Variants in PDE1C observed in about 807,000 individuals in gnomAD.
The protein encoded by PDE1C is dual specificity calcium/calmodulin-dependent 3',5'-cyclic nucleotide phosphodiesterase 1C.
Under a neutral mutation model 93.1 loss-of-function variants are expected in PDE1C, and 62 were observed. The observed-to-expected ratio is 0.67, with a 90% confidence interval of 0.54 to 0.82. The LOEUF (loss-of-function observed/expected upper bound fraction) is 0.82. Among genes scored for constraint, PDE1C ranks in the 40% least tolerant of loss-of-function variants. The pLI, the probability that PDE1C is intolerant of heterozygous loss-of-function variation, is 0.00. For missense variants in PDE1C, 742 were observed against 884.6 expected (o/e 0.84, Z 2.04); for synonymous variants, 325 against 310.1 (o/e 1.05, Z -0.50).
At chr7:32,416,921 G>A (rs1785286573) in intron 1 of PDE1C, among the ~76,000 whole-genome samples, 1 of 152,172 alleles carries the variant, frequency 6.6e-6, no homozygotes, top group South Asian at 2.1e-4. Context: ...GAGAGATCGA[G>A]GGGCAACTCG....
chr7:32,369,676 C>T (rs1784288912), intron 1 of PDE1C, among the ~76,000 whole-genome samples: 1 of 152,192 alleles, frequency 6.6e-6, no homozygotes, highest in African/African-American at 2.4e-5. Flanking sequence ...ATCAAAGAGA[C>T]TTCTGTGCCC....
chr7:32,262,779 A>C (rs1810304764), intron 1 of PDE1C, among the ~76,000 whole-genome samples: 1 of 152,176 alleles, frequency 6.6e-6, no homozygotes, highest in Non-Finnish European at 1.5e-5. Flanking sequence ...ACTTTTGGGG[A>C]TAGTATTTTG....
At chr7:32,402,560 T>C (rs893701743) in intron 1 of PDE1C, among the ~76,000 whole-genome samples, 1 of 152,110 alleles carries the variant, frequency 6.6e-6, no homozygotes, top group Non-Finnish European at 1.5e-5. Flanking sequence ...CCCACATTGG[T>C]GAGGGTGATC....
chr7:32,217,907 C>T (rs1024208220), intron 1 of PDE1C, among the ~76,000 whole-genome samples: 30 of 152,350 alleles, frequency 2.0e-4, no homozygotes, highest in African/African-American at 7.2e-4. Context: ...CCATGCCTTT[C>T]ACAAGGCTGT....
intron 2 of PDE1C, 86 bp from the exon 3 acceptor site, chr7:31,880,946 C>A (rs151191897): frequency 3.6e-6 from 3 of 836,210 alleles, no homozygotes; most frequent in South Asian, 2.9e-5. Context: ...TTACAGTCAT[C>A]GAATATTCTC....
intron 2 of PDE1C, among the ~76,000 whole-genome samples, chr7:31,947,960 A>T (rs1806836782): frequency 6.6e-6 from 1 of 152,222 alleles, no homozygotes; most frequent in Non-Finnish European, 1.5e-5. Flanking sequence ...GTAAAATCTG[A>T]CAGATGGCAA....
intron 3 of PDE1C, among the ~76,000 whole-genome samples, chr7:32,126,200 T>TGTAG (rs1563334248): frequency 9.9e-6 from 1 of 101,424 alleles, no homozygotes; most frequent in East Asian, 2.9e-4. Context: ...AATCCACTAT[T>TGTAG]CTAGATAGAT....
chr7:31,679,378 A>T, the PDE1C span, among the ~76,000 whole-genome samples: 1 of 152,230 alleles, frequency 6.6e-6, no homozygotes, highest in African/African-American at 2.4e-5. Context: ...TTTTGAATAC[A>T]TGCTGGGTTT....
chr7:31,778,036 G>A (rs976197908), intron 16 of PDE1C, among the ~76,000 whole-genome samples: 1 of 152,162 alleles, frequency 6.6e-6, no homozygotes, highest in Admixed American at 6.5e-5. Flanking sequence ...AATCTCCAGG[G>A]AATGGAGCCA....
chr7:31,807,724 T>A (rs1267995199), intron 16 of PDE1C, among the ~76,000 whole-genome samples: 1 of 151,962 alleles, frequency 6.6e-6, no homozygotes, highest in African/African-American at 2.4e-5. Flanking sequence ...CCACTGTACA[T>A]TTTCTGGCTT....
chr7:32,169,965 T>C lies in PDE1C; in HGVS notation c.137-9A>G, dbSNP rs371498540. 2,712 of 1,609,342 alleles carry C rather than the reference T, an allele frequency of 1.7e-3. 52 individuals carry two copies. In the South Asian group the frequency reaches 0.028, roughly 17 times the overall value. Reference sequence around the variant, plus strand: ...GTTCTGTGACTTAGACCCTGAGGCATGGGGAAAAGAGAGATGCAGGTGAAT... The same window carrying C: ...GTTCTGTGACTTAGACCCTGAGGCACGGGGAAAAGAGAGATGCAGGTGAAT... On this transcript the variant is annotated splice_polypyrimidine_tract_variant and intron_variant, in intron 2 of 18. Transcript: ENST00000396193.
chr7:31,922,849 T>C (rs919667797), intron 2 of PDE1C, among the ~76,000 whole-genome samples: 1 of 152,168 alleles, frequency 6.6e-6, no homozygotes, highest in Admixed American at 6.5e-5. Flanking sequence ...TTTTTAAAAA[T>C]TCTCATTACA....
chr7:32,154,728 C>G (rs1029450749), intron 3 of PDE1C, among the ~76,000 whole-genome samples: 1 of 152,216 alleles, frequency 6.6e-6, no homozygotes, highest in Non-Finnish European at 1.5e-5. Context: ...CCCTACCACC[C>G]CATACCATAC....
rs542677489 is a variant in PDE1C, at chr7:32,392,446, G to T, written c.310+35376C>A. ...AGGGGATATTCCCAACTCATTCTAT[G>T]AGGTCAGTTTTATCCTGATATCAAA... On this transcript the variant is annotated intron_variant, in intron 1 of 1. Coordinates refer to the PDE1C transcript ENST00000672256. Among the ~76,000 whole-genome samples, 3 of 152,256 alleles carry T rather than the reference G, an allele frequency of 2.0e-5. No individual in the cohort carries two copies. The East Asian group carries it at 5.8e-4, about 29-fold the overall frequency.
chr7:32,213,572 C>T (rs181225216), intron 1 of PDE1C, among the ~76,000 whole-genome samples: 13 of 152,336 alleles, frequency 8.5e-5, no homozygotes, highest in Non-Finnish European at 1.5e-4. Context: ...TCCAACAGCA[C>T]GCTGCAGGCC....
the PDE1C span, among the ~76,000 whole-genome samples, chr7:31,712,656 T>A: frequency 6.6e-6 from 1 of 152,146 alleles, no homozygotes; most frequent in Non-Finnish European, 1.5e-5. Context: ...GTTAGTCCCT[T>A]TTCATGCTGC....
intron 2 of PDE1C, among the ~76,000 whole-genome samples, chr7:31,980,809 C>T (rs1812277338): frequency 6.6e-6 from 1 of 152,204 alleles, no homozygotes; most frequent in African/African-American, 2.4e-5. Flanking sequence ...CACCCACCTT[C>T]CTGGGCTTGT....
At chr7:32,333,180 CA>C (rs1783547362) in intron 1 of PDE1C, among the ~76,000 whole-genome samples, 1 of 152,062 alleles carries the variant, frequency 6.6e-6, no homozygotes, top group African/African-American at 2.4e-5. Flanking sequence ...CAAGTTAAAA[CA>C]GGATGAAAAA....
At chr7:31,715,216 G>T in the PDE1C span, among the ~76,000 whole-genome samples, 1 of 151,802 alleles carries the variant, frequency 6.6e-6, no homozygotes, top group Admixed American at 6.6e-5. Flanking sequence ...ATAGCAATTA[G>T]GTTCCTCATT....
Sources: allele counts gnomAD v4.1 joint callset (sites outside exome capture counted in the v4.1 genomes callset), GRCh38; gene constraint gnomAD v4.1.1; transcripts MANE v1.5; gene names NCBI Gene and HGNC (gene_info 2026-07-23, HGNC 2026-07-21).